Variants in PRTG observed in about 807,000 individuals in gnomAD.
The protein encoded by PRTG is protogenin, also known as immunoglobulin superfamily, DCC subclass, member 5.
In PRTG, 67 loss-of-function variants were observed where a neutral mutation model predicts 122.5. The ratio of observed to expected loss-of-function variants is 0.55; its 90% CI spans 0.45 to 0.67. The LOEUF (loss-of-function observed/expected upper bound fraction) is 0.67, where lower values mean the gene tolerates loss of function less well. PRTG is among the 30% of genes least tolerant of loss of function. PRTG has a pLI of 0.00. For missense variants in PRTG, 1,435 were observed against 1,415.4 expected, an observed-to-expected ratio of 1.01 and a Z score of -0.22; for synonymous variants, 554 against 501.1, an observed-to-expected ratio of 1.11 and a Z score of -1.41.
Position 55,683,914 on chromosome 15 carries a change from C to T in PRTG, c.415G>A (p.Val139Ile), listed in dbSNP as rs758753947. The change falls in exon 3 of 20, where the codon GTC (valine) becomes ATC (isoleucine). Residue 139 changes from valine (V) to isoleucine (I), a missense_variant. Transcript: ENST00000389286. The part of the protein sequence containing the change: ...LALSTISAFE[V>I]QPISTEVHEG... ...TGGACCTCAGTGGAAATTGGCTGGA[C>T]TTCAAATGCAGAAATAGCTATAAGA... is the stretch of plus-strand genomic sequence containing the variant. The T allele has an allele frequency of 3.1e-6, 5 of 1,613,316 alleles. No homozygotes were observed. In the South Asian group the frequency reaches 4.4e-5, roughly 14 times the overall value.
At chr15:55,671,471 T>G (rs1030795429) in intron 11 of PRTG, among the ~76,000 whole-genome samples, 3 of 152,234 alleles carry the variant, frequency 2.0e-5, no homozygotes, top group Admixed American at 6.5e-5. Flanking sequence ...TATGTCAGTT[T>G]ATAGTTTATA....
intron 2 of PRTG, among the ~76,000 whole-genome samples, chr15:55,731,842 T>C (rs1379501813): frequency 6.6e-6 from 1 of 152,196 alleles, no homozygotes; most frequent in African/African-American, 2.4e-5. Context: ...AAACCAGACA[T>C]ATACAGTCTT....
Position 55,641,159 on chromosome 15 carries a change from G to A in PRTG, c.2091C>T (p.Asp697=), listed in dbSNP as rs61735111. The A allele has an allele frequency of 4.6e-4, 740 of 1,613,948 alleles. 5 individuals are homozygous for A. In the African/African-American group the frequency reaches 9.2e-3, roughly 20 times the overall value. ...CAGTCTGATCTGCCTGATAGCCATC[G>A]TCTATGTTGTTGTAAGCCAGGAGTC... is the stretch of plus-strand genomic sequence containing the variant. ...HVRLLAYNNI[D]DGYQADQTVS... The change falls in exon 12 of 20, where the codon GAC becomes GAT. Residue 697 remains aspartate (D), a synonymous_variant. Transcript: ENST00000389286.
At chr15:55,665,177 G>A (rs1283589043) in intron 11 of PRTG, among the ~76,000 whole-genome samples, 1 of 151,998 alleles carries the variant, frequency 6.6e-6, no homozygotes, top group Non-Finnish European at 1.5e-5. Context: ...GGAGAATGGT[G>A]TGAACCAGGG....
At chr15:55,710,598 GT>G (rs1199931514) in intron 2 of PRTG, among the ~76,000 whole-genome samples, 1 of 151,982 alleles carries the variant, frequency 6.6e-6, no homozygotes, top group Non-Finnish European at 1.5e-5. Context: ...AGAATCTAAT[GT>G]TTTCTTGGTC....
intron 3 of PRTG, 30 bp downstream of exon 3, chr15:55,683,757 T>A (rs2059554479): frequency 6.3e-7 from 1 of 1,592,480 alleles, no homozygotes; most frequent in African/African-American, 1.3e-5. Context: ...TACTCCCATA[T>A]CATCTCCAAA....
intron 2 of PRTG, among the ~76,000 whole-genome samples, chr15:55,695,275 T>C (rs979704066): frequency 1.3e-5 from 2 of 152,184 alleles, no homozygotes; most frequent in African/African-American, 2.4e-5. Context: ...TTCTAAAAGG[T>C]TGCAATGAAT....
At chr15:55,672,991 G>A (rs1213904858) in intron 10 of PRTG, among the ~76,000 whole-genome samples, 3 of 152,144 alleles carry the variant, frequency 2.0e-5, no homozygotes, top group African/African-American at 7.2e-5. Context: ...TACATTCCAC[G>A]TTAGTAAAAC....
chr15:55,646,634 T>C (rs139234545), intron 11 of PRTG, among the ~76,000 whole-genome samples: 80 of 152,298 alleles, frequency 5.3e-4, no homozygotes, highest in African/African-American at 1.8e-3. Context: ...CACTCCTCAA[T>C]TCTTAATGGT....
At position 55,743,103 on chromosome 15, in the gene PRTG, C is replaced by G; in HGVS notation, c.-172G>C. The G allele has an allele frequency of 7.8e-7, 1 of 1,277,994 alleles. No individual in the cohort carries two copies. Among genetic ancestry groups the G allele is most frequent in the Non-Finnish European group, 9.8e-7 (1 of 1,016,848 alleles). The allele number at this position is 1,277,994 out of a possible 1,614,324, so 79.2% of individuals were successfully genotyped here. A position where few individuals can be genotyped will look rare whatever the true frequency, so the allele number is the denominator to read the frequency against. On this transcript the variant is annotated 5_prime_UTR_variant, in exon 1 of 20. Transcript: ENST00000389286. ...TGCGGCGGCGAGGCTGGTGCTCGGA[C>G]GGCCGCTCGCGAGAAGCAAGGGGCC...
intron 2 of PRTG, among the ~76,000 whole-genome samples, chr15:55,737,789 G>C (rs2031456358): frequency 6.6e-6 from 1 of 151,762 alleles, no homozygotes; most frequent in African/African-American, 2.4e-5. Context: ...AACTTGCACA[G>C]ATTGAAGTTT....
intron 2 of PRTG, 98 bp from the exon 3 acceptor site, chr15:55,684,029 C>T: frequency 9.5e-7 from 1 of 1,054,186 alleles, no homozygotes; most frequent in Middle Eastern, 2.8e-4. Context: ...TGAACCCTTG[C>T]TTGGATATAA....
At position 55,618,931 on chromosome 15, in the gene PRTG, T is replaced by C. The variant is rs561596984; in HGVS notation, c.*1081A>G. 1 of 152,296 alleles carries C rather than the reference T, an allele frequency of 6.6e-6. No individual in the cohort carries two copies. Among genetic ancestry groups the C allele is most frequent in the African/African-American group, 2.4e-5 (1 of 41,570 alleles). The allele number at this position is 152,296 out of a possible 1,614,324, so 9.4% of individuals were successfully genotyped here. On this transcript the variant is annotated 3_prime_UTR_variant, in exon 20 of 20. Coordinates refer to ENST00000389286, the MANE Select transcript of PRTG (RefSeq NM_173814.6). ...GTTCATTTTACTGTCTACTGTTGCATTTACCTTCATTCTTAATAGTTCATG... is the reference window on the plus strand; with the variant it reads ...GTTCATTTTACTGTCTACTGTTGCACTTACCTTCATTCTTAATAGTTCATG...
At chr15:55,739,379 C>A (rs1167668859) in intron 2 of PRTG, among the ~76,000 whole-genome samples, 1 of 151,838 alleles carries the variant, frequency 6.6e-6, no homozygotes, top group East Asian at 1.9e-4. Context: ...GGATTACAGG[C>A]TAGCCACCAG....
intron 2 of PRTG, among the ~76,000 whole-genome samples, chr15:55,690,506 G>C (rs2141827403): frequency 6.6e-6 from 1 of 152,262 alleles, no homozygotes; most frequent in Non-Finnish European, 1.5e-5. Flanking sequence ...CAAAAGTACA[G>C]AGAATCCCAA....
intron 15 of PRTG, among the ~76,000 whole-genome samples, chr15:55,636,111 TA>T (rs545080280): frequency 0.011 from 1,627 of 142,098 alleles, 10 homozygotes; most frequent in Non-Finnish European, 0.017. Context: ...GATTCTGTCT[TA>T]AAAAAAAAAA....
rs770151183 is a variant in PRTG, at chr15:55,624,361, T to C, written c.3074A>G (p.Asn1025Ser). The C allele has an allele frequency of 1.2e-6, 2 of 1,613,894 alleles. No individual in the cohort carries two copies. The change falls in exon 18 of 20, where the codon AAC becomes AGC. Residue 1025 changes from asparagine to serine, a missense_variant. Transcript: ENST00000389286. The part of the protein sequence containing the change: ...EESLMPMIMP[N>S]SFIDAKGGTD... ...CAGTACCTTTGCATCAATGAAGCTG[T>C]TTGGCATGATCATTGGCATTAAAGA... is the stretch of plus-strand genomic sequence containing the variant.
intron 5 of PRTG, 59 bp from the exon 6 acceptor site, chr15:55,680,271 A>G: frequency 7.4e-7 from 1 of 1,345,798 alleles, no homozygotes; most frequent in Non-Finnish European, 1.1e-6. Flanking sequence ...AAATTATGTC[A>G]AAAGACCACT....
At chr15:55,709,334 A>T (rs1354012588) in intron 2 of PRTG, among the ~76,000 whole-genome samples, 2 of 147,330 alleles carry the variant, frequency 1.4e-5, no homozygotes, top group East Asian at 3.9e-4. Context: ...TTTTAAAAAA[A>T]GTTTATATAT....
Sources: allele counts gnomAD v4.1 joint callset (sites outside exome capture counted in the v4.1 genomes callset), GRCh38; gene constraint gnomAD v4.1.1; transcripts MANE v1.5; gene names NCBI Gene and HGNC (gene_info 2026-07-23, HGNC 2026-07-21).